Variants in CHRNA4 observed in about 807,000 individuals in gnomAD.
CHRNA4 encodes the protein neuronal acetylcholine receptor subunit alpha-4.
CHRNA4 carries 28 observed loss-of-function variants against 48.9 expected under a neutral mutation model. The observed-to-expected ratio is 0.57, with a 90% CI of 0.42 to 0.79. The LOEUF is 0.79. CHRNA4 is among the 30% of genes least tolerant of loss of function. CHRNA4 has a pLI of 0.00. For synonymous variants in CHRNA4, 425 were observed against 402.3 expected, an observed-to-expected ratio of 1.06 and a Z score of -0.68; for missense variants, 859 against 898.4, an observed-to-expected ratio of 0.96 and a Z score of 0.56.
rs2068558681 is a variant in CHRNA4, at chr20:63,349,941, C to T, written c.1470G>A (p.Gln490=). 1 of 1,585,122 alleles carries T rather than the reference C, an allele frequency of 6.3e-7. No individual in the cohort carries two copies. The highest frequency in any genetic ancestry group is 1.3e-5 in the African/African-American group (1 of 74,458). ...GGVRCRSRSI[Q]YCVPRDDAAP... ...CGGCATCGTCTCGGGGAACACAGTA[C>T]TGGATGCTCCGAGACCGGCACCGGA... is the stretch of plus-strand genomic sequence containing the variant. Residue 490 remains glutamine (Q), a synonymous_variant, in exon 5 of 6, where the codon CAG becomes CAA. Transcript: ENST00000370263.
At position 63,359,663 on chromosome 20, in the gene CHRNA4, T is replaced by A. The variant is rs756100070; in HGVS notation, c.113A>T (p.Glu38Val). 2 of 1,611,944 alleles carry A rather than the reference T, an allele frequency of 1.2e-6. No individual in the cohort carries two copies. Among genetic ancestry groups the A allele is most frequent in the Non-Finnish European group, 1.7e-6 (2 of 1,179,882 alleles). Residue 38 changes from glutamate (E) to valine (V), a missense_variant, in exon 2 of 6, where the codon GAG (glutamate) becomes GTG (valine). Physicochemically the swap from Glu to Val is moderately radical, Grantham distance 121. Coordinates refer to ENST00000370263, the MANE Select transcript of CHRNA4 (RefSeq NM_000744.7). ...GGAGAAGAGTTTCTTCAGGAGCCGC[T>A]CCTCGGCGTGGGCCCGGGTCTCCAC... ...SHVETRAHAE[E>V]RLLKKLFSGY...
rs1455072558 is a variant in CHRNA4 at position 63,350,786 on chromosome 20, A to G, written c.625T>C (p.Trp209Arg). 2 of 1,613,358 alleles carry G rather than the reference A, an allele frequency of 1.2e-6. No homozygotes were observed. The highest frequency in any genetic ancestry group is 3.3e-5 in the Admixed American group (2 of 59,972). ...GTGCCCACGGCATCCACGATGACCC[A>G]CTCGCCACTCTCCCAGAAGTCCAGC... is the stretch of plus-strand genomic sequence containing the variant. Reference protein sequence around the residue: ...DQLDFWESGEWVIVDAVGTYN... With the variant: ...DQLDFWESGERVIVDAVGTYN... The change falls in exon 5 of 6, where the codon TGG becomes CGG. Residue 209 changes from tryptophan (W) to arginine (R), a missense_variant. Physicochemically the swap from Trp to Arg is moderately radical, Grantham distance 101 (BLOSUM62 -3). Coordinates refer to ENST00000370263, the MANE Select transcript of CHRNA4 (RefSeq NM_000744.7).
chr20:63,359,055 T>A (rs1391452932), intron 2 of CHRNA4, among the ~76,000 whole-genome samples: 1 of 152,178 alleles, frequency 6.6e-6, no homozygotes, highest in East Asian at 1.9e-4. Flanking sequence ...GAACATATCT[T>A]CAGACAAACA....
chr20:63,359,617 T>C lies in CHRNA4; in HGVS notation c.159A>G (p.Arg53=). 6.2e-7 allele frequency: 1 copy of C among 1,612,616 alleles called. No individual in the cohort carries two copies. The highest frequency in any genetic ancestry group is 8.5e-7 in the Non-Finnish European group (1 of 1,179,922). ...CCACGTCCGAGATGTTGGCCACGGG[T>C]CGGGACCACTTGTTGTAACCGGAGA... The part of the protein sequence containing the change: ...KLFSGYNKWS[R]PVANISDVVL... Residue 53 remains arginine (R), a synonymous_variant, in exon 2 of 6, where the codon CGA becomes CGG. Transcript: ENST00000370263.
At chr20:63,360,855 G>A in intron 1 of CHRNA4, 1 of 410,034 alleles carries the variant, frequency 2.4e-6, no homozygotes, top group Non-Finnish European at 4.3e-6. Flanking sequence ...CACACCCCGC[G>A]GAAAGCCCCT....
chr20:63,360,191 G>A, intron 1 of CHRNA4: 1 of 193,896 alleles, frequency 5.2e-6, no homozygotes, highest in South Asian at 9.8e-5. Context: ...AAAGGAGGGA[G>A]TACAGGGCAG....
chr20:63,357,232 C>G (rs887134071), intron 2 of CHRNA4, among the ~76,000 whole-genome samples: 1 of 131,414 alleles, frequency 7.6e-6, no homozygotes, highest in African/African-American at 2.6e-5. Context: ...CACAGGACCA[C>G]GTCCCACAGA....
At position 63,343,969 on chromosome 20, in the gene CHRNA4, G is replaced by T. The variant is rs200313491; in HGVS notation, c.*2769C>A. The T allele has an allele frequency of 7.6e-4, 347 of 454,060 alleles. No homozygotes were observed. The highest frequency in any genetic ancestry group is 1.4e-3 in the Non-Finnish European group (310 of 226,812). 28.1% of individuals were successfully genotyped at this position (454,060 alleles called of 1,614,324 possible). On this transcript the variant is annotated 3_prime_UTR_variant, in exon 6 of 6. Coordinates refer to ENST00000370263, the MANE Select transcript of CHRNA4 (RefSeq NM_000744.7). ...TCTGAAAGATGTTAAAACATTAACA[G>T]ATGCAGAAAATAAACATGCATAACG...
chr20:63,353,006 A>G (rs2068639572), intron 4 of CHRNA4, among the ~76,000 whole-genome samples: 1 of 152,200 alleles, frequency 6.6e-6, no homozygotes. Flanking sequence ...CTGGGAGCAG[A>G]CAGGGTCTGA....
At chr20:63,359,759 CAGG>C in intron 1 of CHRNA4, 60 bp from the exon 2 acceptor site, 1 of 1,586,608 alleles carries the variant, frequency 6.3e-7, no homozygotes, top group Non-Finnish European at 8.5e-7. Context: ...GGGAGCTGTC[CAGG>C]AGCTCTCCAG....
rs41283008 is a variant in CHRNA4 at position 63,345,663 on chromosome 20, C to T, written c.*1075G>A. ...CTCCCATGAGGCTTCTCAGGGACTT[C>T]CTGCCCCGAGGGTCCCAGCATCTCC... is the stretch of plus-strand genomic sequence containing the variant. On this transcript the variant is annotated 3_prime_UTR_variant, in exon 6 of 6. Coordinates refer to ENST00000370263, the MANE Select transcript of CHRNA4 (RefSeq NM_000744.7). This position sits in a 1 kb window ranked among gnomAD's most constrained non-coding sequence, Gnocchi z 5.4. The T allele has an allele frequency of 0.048, 21,661 of 453,880 alleles. 690 individuals carry two copies. The highest frequency in any genetic ancestry group is 0.094 in the Middle Eastern group (136 of 1,442). The allele number at this position is 453,880 out of a possible 1,614,324, so 28.1% of individuals were successfully genotyped here.
chr20:63,359,845 CTG>C, intron 1 of CHRNA4, 146 bp from the exon 2 acceptor site: 1 of 586,134 alleles, frequency 1.7e-6, no homozygotes, highest in Non-Finnish European at 2.6e-6. Flanking sequence ...ACCCCAGGAC[CTG>C]TGTGTGTGCC....
At chr20:63,355,188 C>T (rs1177060046) in intron 4 of CHRNA4, among the ~76,000 whole-genome samples, 2 of 152,186 alleles carry the variant, frequency 1.3e-5, no homozygotes, top group Non-Finnish European at 1.5e-5. Flanking sequence ...GCTCAGAGAG[C>T]GCTGGCTGCC....
intron 2 of CHRNA4, 97 bp downstream of exon 2, chr20:63,359,451 G>C: frequency 6.8e-7 from 1 of 1,474,812 alleles, no homozygotes; most frequent in African/African-American, 1.4e-5. Flanking sequence ...CAGCCACGGG[G>C]AGTGTTGATG....
chr20:63,350,984 G>C lies in CHRNA4; in HGVS notation c.427C>G (p.Leu143Val). ...CACTGCACCCGCCCGTCATGGAACA[G>C]GTGGGCCTTGGTCAGGTGGGTGACC... ...FAVTHLTKAH[L>V]FHDGRVQWTP... Residue 143 changes from leucine to valine, a missense_variant, in exon 5 of 6, where the codon CTG (leucine) becomes GTG (valine). Coordinates refer to ENST00000370263, the MANE Select transcript of CHRNA4 (RefSeq NM_000744.7). 1 of 1,613,632 alleles carries C rather than the reference G, an allele frequency of 6.2e-7. No homozygotes were observed. The highest frequency in any genetic ancestry group is 2.2e-5 in the East Asian group (1 of 44,884).
At chr20:63,348,468 G>T (rs1021068188) in intron 5 of CHRNA4, among the ~76,000 whole-genome samples, 1 of 152,228 alleles carries the variant, frequency 6.6e-6, no homozygotes, top group African/African-American at 2.4e-5. Flanking sequence ...CTTTTCATGG[G>T]TATGGAGCAC....
At position 63,349,415 on chromosome 20, in the gene CHRNA4, C is replaced by T. The variant is rs77573009; in HGVS notation, c.1758+238G>A. 1,850 of 596,530 alleles carry T rather than the reference C, an allele frequency of 3.1e-3. 14 individuals carry two copies. Among genetic ancestry groups the T allele is most frequent in the African/African-American group, 0.029 (1,586 of 53,850 alleles). 37.0% of individuals were successfully genotyped at this position (596,530 alleles called of 1,614,324 possible). Reference sequence around the variant, plus strand: ...GCCCACTGTGTCCCAAAGCCAGAGACGGCACCGGGATCCACCCTGTGCCAG... The same window carrying T: ...GCCCACTGTGTCCCAAAGCCAGAGATGGCACCGGGATCCACCCTGTGCCAG... On this transcript the variant is annotated intron_variant, in intron 5 of 5. Transcript: ENST00000370263.
At chr20:63,353,591 A>G (rs1390432451) in intron 4 of CHRNA4, among the ~76,000 whole-genome samples, 13 of 29,366 alleles carry the variant, frequency 4.4e-4, no homozygotes, top group Admixed American at 1.8e-3. Flanking sequence ...TCCTGGGGGG[A>G]CTGCAGTCCT....
Position 63,359,530 on chromosome 20 carries a change from G to T in CHRNA4, c.228+18C>A. The T allele has an allele frequency of 6.2e-7, 1 of 1,612,508 alleles. No individual in the cohort carries two copies. Among genetic ancestry groups the T allele is most frequent in the South Asian group, 1.1e-5 (1 of 91,062 alleles). On this transcript the variant is annotated intron_variant, in intron 2 of 5. Transcript: ENST00000370263. ...GGCGACCTCAGTCACAGTGCACGAT[G>T]GCCACGCCCTCACCTACCACGTCAA...
Sources: gnomAD v4.1 joint callset for allele counts (sites outside exome capture counted in the v4.1 genomes callset) on GRCh38, gnomAD v4.1.1 for gene constraint, Gnocchi (gnomAD v3.1) non-coding constraint, MANE v1.5 for transcripts, NCBI Gene and HGNC (gene_info 2026-07-23, HGNC 2026-07-21) for gene names.